ADGRL4: variants seen among roughly 807,000 people sequenced by gnomAD.
ADGRL4 encodes adhesion G protein-coupled receptor L4, also known as EGF, latrophilin and seven transmembrane domain containing 1.
A neutral mutation model predicts 74.8 loss-of-function variants in ADGRL4; 90 were observed. The ratio of observed to expected loss-of-function variants is 1.20; its 90% CI spans 1.02 to 1.43. The LOEUF (loss-of-function observed/expected upper bound fraction) is 1.43, where lower values mean the gene tolerates loss of function less well. Among genes scored for constraint, ADGRL4 ranks in the 40% most tolerant of loss-of-function variants. The pLI is 0.00. For missense variants in ADGRL4, 881 were observed against 814.3 expected, an observed-to-expected ratio of 1.08 and a Z score of -1.00; for synonymous variants, 311 against 279.2, an observed-to-expected ratio of 1.11 and a Z score of -1.14.
intron 2 of ADGRL4, among the ~76,000 whole-genome samples, chr1:78,983,340 A>G (rs1030849648): frequency 6.6e-6 from 1 of 151,862 alleles, no homozygotes; most frequent in African/African-American, 2.4e-5. Context: ...CAAGGTAGCT[A>G]TGTTGAAAAC....
intron 6 of ADGRL4, 136 bp from the exon 7 acceptor site, chr1:78,936,547 T>A: frequency 1.2e-6 from 1 of 825,248 alleles, no homozygotes; most frequent in Non-Finnish European, 1.7e-6. Flanking sequence ...TGAACATTCT[T>A]AATGTGTTTG....
intron 2 of ADGRL4, among the ~76,000 whole-genome samples, chr1:78,951,816 C>T (rs546210176): frequency 1.7e-4 from 26 of 152,156 alleles, no homozygotes; most frequent in African/African-American, 5.1e-4. Flanking sequence ...TATTTTTCAG[C>T]GTTGAAGAGT....
intron 8 of ADGRL4, among the ~76,000 whole-genome samples, chr1:78,922,756 G>A (rs1557498741): frequency 6.6e-6 from 1 of 151,900 alleles, no homozygotes; most frequent in African/African-American, 2.4e-5. Flanking sequence ...ATTTTAAGGT[G>A]TACTTAAGAC....
chr1:78,921,548 C>T (rs930026450), intron 9 of ADGRL4, 65 bp downstream of exon 9: 6 of 1,034,242 alleles, frequency 5.8e-6, no homozygotes, highest in Non-Finnish European at 6.6e-6. Context: ...AATATTGTCT[C>T]GAATGATGCG....
chr1:78,981,219 A>ATGAAATGATAT (rs1650391451), intron 2 of ADGRL4, among the ~76,000 whole-genome samples: 1 of 151,922 alleles, frequency 6.6e-6, no homozygotes, highest in Non-Finnish European at 1.5e-5. Context: ...AAAAATATCA[A>ATGAAATGATAT]CTGATTAATG....
rs200973848 is a variant in ADGRL4 at position 78,946,383 on chromosome 1, A to T, written c.216T>A (p.Asn72Lys). The stretch of plus-strand genomic sequence containing the variant: ...TTCCTTCTGTGTTAGTGCAATTAGC[A>T]TTTTCGCCACAGGACTGAGTTAAAT... ...CGNLTQSCGENANCTNTEGSY... is the reference protein window; with the variant it reads ...CGNLTQSCGEKANCTNTEGSY... Residue 72 changes from asparagine to lysine, a missense_variant, in exon 3 of 15, where the codon AAT becomes AAA. Physicochemically the swap from Asn to Lys is moderately conservative, Grantham distance 94 (BLOSUM62 0). Coordinates refer to ENST00000370742, the MANE Select transcript of ADGRL4 (RefSeq NM_022159.4). The T allele has an allele frequency of 6.4e-5, 104 of 1,612,918 alleles. No homozygotes were observed. Among genetic ancestry groups the T allele is most frequent in the Non-Finnish European group, 4.7e-5 (56 of 1,179,434 alleles).
chr1:78,911,608 G>T (rs1057025535), intron 12 of ADGRL4, among the ~76,000 whole-genome samples: 4 of 22,358 alleles, frequency 1.8e-4, no homozygotes, highest in Non-Finnish European at 3.7e-4. Flanking sequence ...TAAAAATCAA[G>T]ATCTAAACAC....
At chr1:78,896,808 T>C (rs1246036833) in intron 12 of ADGRL4, among the ~76,000 whole-genome samples, 1 of 152,146 alleles carries the variant, frequency 6.6e-6, no homozygotes, top group Non-Finnish European at 1.5e-5. Context: ...GCACAGTGGC[T>C]TTTAAGGTCT....
At chr1:78,936,123 C>CAAAAAAAA (rs34223643) in intron 7 of ADGRL4, among the ~76,000 whole-genome samples, 172 bp downstream of exon 7, 1 of 19,330 alleles carries the variant, frequency 5.2e-5, no homozygotes, top group African/African-American at 1.7e-4. Flanking sequence ...GACTCCGTCT[C>CAAAAAAAA]AAAAAAAAAA....
At chr1:78,896,884 C>T (rs1266806131) in intron 12 of ADGRL4, among the ~76,000 whole-genome samples, 1 of 152,116 alleles carries the variant, frequency 6.6e-6, no homozygotes, top group Non-Finnish European at 1.5e-5. Context: ...GACCACTTCA[C>T]TCCACTCACA....
At chr1:78,942,484 C>G (rs1649507669) in intron 3 of ADGRL4, among the ~76,000 whole-genome samples, 1 of 152,144 alleles carries the variant, frequency 6.6e-6, no homozygotes. Flanking sequence ...AAAGCTAAAT[C>G]TCTGTTAGGT....
rs369384378 is a variant in ADGRL4 at position 78,893,132 on chromosome 1, A to G, written c.1807T>C (p.Leu603=). ...TCAAAGCAACTAACTTCTGGTTTCA[A>G]CCCTGCAGTGTGACGAAAAACTTTG... is the stretch of plus-strand genomic sequence containing the variant. ...IYKVFRHTAG[L]KPEVSCFENI... is the part of the protein sequence containing the mutation. The change falls in exon 13 of 15, where the codon TTG becomes CTG. Residue 603 remains leucine, a synonymous_variant. Coordinates refer to ENST00000370742, the MANE Select transcript of ADGRL4 (RefSeq NM_022159.4). 4 of 1,604,476 alleles carry G rather than the reference A, an allele frequency of 2.5e-6. No homozygotes were observed. In the East Asian group the frequency reaches 6.8e-5, roughly 27 times the overall value.
intron 12 of ADGRL4, among the ~76,000 whole-genome samples, chr1:78,909,998 T>TA (rs1346032845): frequency 3.3e-5 from 5 of 151,886 alleles, no homozygotes; most frequent in African/African-American, 1.2e-4. Flanking sequence ...ATGAATATGA[T>TA]ATATTACAGA....
At chr1:78,961,199 A>G (rs1224670523) in intron 2 of ADGRL4, among the ~76,000 whole-genome samples, 1 of 151,888 alleles carries the variant, frequency 6.6e-6, no homozygotes. Context: ...CTCCTGCCTC[A>G]GCCTCCCCAG....
chr1:78,948,691 T>C (rs1649662686), intron 2 of ADGRL4, among the ~76,000 whole-genome samples: 1 of 152,132 alleles, frequency 6.6e-6, no homozygotes, highest in Non-Finnish European at 1.5e-5. Context: ...ACTCAGAAAG[T>C]AGATATGTAT....
intron 2 of ADGRL4, among the ~76,000 whole-genome samples, chr1:78,985,495 G>A (rs1650474755): frequency 6.6e-6 from 1 of 151,792 alleles, no homozygotes; most frequent in African/African-American, 2.4e-5. Flanking sequence ...AGAATAGTAT[G>A]TTAATTTCGA....
chr1:79,002,539 C>G (rs1256264181), intron 2 of ADGRL4, among the ~76,000 whole-genome samples: 1 of 151,986 alleles, frequency 6.6e-6, no homozygotes, highest in African/African-American at 2.4e-5. Context: ...CAAAGAAGAG[C>G]CATTGGCAGG....
chr1:78,906,042 T>C (rs1648627976), intron 12 of ADGRL4, among the ~76,000 whole-genome samples: 1 of 151,966 alleles, frequency 6.6e-6, no homozygotes, highest in South Asian at 2.1e-4. Flanking sequence ...TCTGTTGATG[T>C]GGATAGACAC....
chr1:78,962,177 G>A (rs547116369), intron 2 of ADGRL4, among the ~76,000 whole-genome samples: 19 of 152,138 alleles, frequency 1.2e-4, no homozygotes, highest in Non-Finnish European at 1.6e-4. Flanking sequence ...CACCGGGCCC[G>A]GCCTTCCAGG....
Sources: allele counts gnomAD v4.1 joint callset (sites outside exome capture counted in the v4.1 genomes callset), GRCh38; gene constraint gnomAD v4.1.1; transcripts MANE v1.5; gene names NCBI Gene and HGNC (gene_info 2026-07-23, HGNC 2026-07-21).